FOXN3: variants seen among roughly 807,000 people sequenced by gnomAD.
FOXN3 encodes forkhead box N3.
FOXN3 carries 7 observed loss-of-function variants against 38.4 expected under a neutral mutation model. The observed-to-expected ratio is 0.18, with a 90% confidence interval of 0.10 to 0.34. The LOEUF (loss-of-function observed/expected upper bound fraction) is 0.34, where lower values mean the gene tolerates loss of function less well. Ranked by LOEUF, FOXN3 falls within the 10% of genes least tolerant of loss-of-function variation. The pLI, the probability that FOXN3 is intolerant of heterozygous loss-of-function variation, is 1.00. For synonymous variants in FOXN3, 230 were observed against 242.2 expected (o/e 0.95, Z 0.47); for missense variants, 456 against 613.4 (o/e 0.74, Z 2.71).
At chr14:89,367,667 G>A (rs753653095) in intron 2 of FOXN3, among the ~76,000 whole-genome samples, 25 of 152,092 alleles carry the variant, frequency 1.6e-4, no homozygotes, top group African/African-American at 2.4e-4. Flanking sequence ...TGTGATTCAC[G>A]GGTAGGGGGA....
At chr14:89,500,016 A>AT (rs1566676756) in intron 1 of FOXN3, among the ~76,000 whole-genome samples, 4 of 151,466 alleles carry the variant, frequency 2.6e-5, no homozygotes, top group East Asian at 3.9e-4. Flanking sequence ...TGCCCAGCTT[A>AT]TTTTTTTTGT....
chr14:89,483,262 G>A (rs916076396), intron 1 of FOXN3, among the ~76,000 whole-genome samples: 1 of 152,128 alleles, frequency 6.6e-6, no homozygotes, highest in African/African-American at 2.4e-5. Flanking sequence ...TGTTGCAGCA[G>A]CCAGGAAGCC....
chr14:89,520,230 G>A (rs1208113328), intron 1 of FOXN3, among the ~76,000 whole-genome samples: 2 of 143,288 alleles, frequency 1.4e-5, no homozygotes, highest in Non-Finnish European at 1.5e-5. Flanking sequence ...TCCAGACTGA[G>A]TTTTTCTTTC....
At chr14:89,209,270 A>G (rs2139829076) in intron 4 of FOXN3, among the ~76,000 whole-genome samples, 1 of 152,320 alleles carries the variant, frequency 6.6e-6, no homozygotes. Context: ...TGCCTCTCCC[A>G]TTCCTTTACG....
At position 89,484,972 on chromosome 14, in the gene FOXN3, T is replaced by C. The variant is rs1018174197; in HGVS notation, c.-14-72482A>G. Among the ~76,000 whole-genome samples, 16 of 151,736 alleles carry C rather than the reference T, an allele frequency of 1.1e-4. No homozygotes were observed. Among genetic ancestry groups the C allele is most frequent in the Non-Finnish European group, 2.2e-4 (15 of 67,940 alleles). ...TTCGAGACCAGCCTGGCCAATATGG[T>C]GAAACACCATCTCTACTAAAAATAC... On this transcript the variant is annotated intron_variant, in intron 1 of 6. Coordinates refer to the FOXN3 transcript ENST00000345097. The surrounding 1 kb of genome is among the most constrained non-coding windows in gnomAD (Gnocchi z 4.0).
chr14:89,344,491 G>T (rs1383157490), intron 3 of FOXN3, among the ~76,000 whole-genome samples: 1 of 152,166 alleles, frequency 6.6e-6, no homozygotes, highest in Non-Finnish European at 1.5e-5. Flanking sequence ...GGTGAGAGAG[G>T]ATTAAAATGT....
chr14:89,466,716 C>T (rs779117090), intron 1 of FOXN3, among the ~76,000 whole-genome samples: 16 of 152,274 alleles, frequency 1.1e-4, no homozygotes, highest in Middle Eastern at 3.4e-3. Context: ...CCCTCTAGCA[C>T]GGCACAGAGA....
At chr14:89,383,660 G>A (rs1366748599) in intron 2 of FOXN3, among the ~76,000 whole-genome samples, 2 of 151,920 alleles carry the variant, frequency 1.3e-5, no homozygotes, top group East Asian at 1.9e-4. Flanking sequence ...TCTTCCCCAC[G>A]TATCTGTTTC....
chr14:89,363,969 T>TATATATATATATATA (rs1890027381), intron 2 of FOXN3, among the ~76,000 whole-genome samples: 2 of 95,016 alleles, frequency 2.1e-5, no homozygotes, highest in African/African-American at 1.0e-4. Context: ...TATATATATA[T>TATATATATATATATA]ATATATATAT....
chr14:89,267,506 A>G (rs1886020866), intron 4 of FOXN3, among the ~76,000 whole-genome samples: 1 of 152,224 alleles, frequency 6.6e-6, no homozygotes, highest in Non-Finnish European at 1.5e-5. Context: ...AGAAACTCAG[A>G]TCACTATTAG....
intron 1 of FOXN3, among the ~76,000 whole-genome samples, chr14:89,465,172 G>A (rs1343989806): frequency 1.3e-5 from 2 of 152,170 alleles, no homozygotes; most frequent in Non-Finnish European, 2.9e-5. Flanking sequence ...AGAACTGTGA[G>A]TCAATTAAAC....
chr14:89,530,290 A>G (rs1359104443), intron 1 of FOXN3, among the ~76,000 whole-genome samples: 2 of 152,204 alleles, frequency 1.3e-5, no homozygotes, highest in Non-Finnish European at 2.9e-5. Flanking sequence ...TCACAGTTCC[A>G]CTTGGCTAGG....
intron 1 of FOXN3, among the ~76,000 whole-genome samples, chr14:89,546,329 C>CTTTTTTTTTTTTTTTTTTTTTTT (rs1157998619): frequency 2.6e-5 from 2 of 78,330 alleles, no homozygotes; most frequent in African/African-American, 1.1e-4. Context: ...TTTCCTTTTT[C>CTTTTTTTTTTTTTTTTTTTTTTT]TTTTTTTTTT....
intron 1 of FOXN3, among the ~76,000 whole-genome samples, chr14:89,600,674 A>C (rs1402944440): frequency 6.6e-6 from 1 of 152,222 alleles, no homozygotes; most frequent in Non-Finnish European, 1.5e-5. Context: ...CATTGTGGGA[A>C]GAGACTACTC....
intron 3 of FOXN3, among the ~76,000 whole-genome samples, chr14:89,346,058 TAAAAG>T (rs752121158): frequency 2.6e-5 from 4 of 152,070 alleles, no homozygotes; most frequent in East Asian, 1.9e-4. Flanking sequence ...TCTCAAAAAA[TAAAAG>T]AAAAGAATAA....
In FOXN3 at chr14:89,555,901, G is replaced by C. The variant is rs183483984; in HGVS notation, c.-15+63127C>G. 3.0e-3 allele frequency among the ~76,000 whole-genome samples: 438 copies of C among 148,252 alleles called. 2 individuals carry two copies. Among genetic ancestry groups the C allele is most frequent in the Non-Finnish European group, 4.2e-3 (281 of 66,786 alleles). On this transcript the variant is annotated intron_variant, in intron 1 of 6. Coordinates refer to the FOXN3 transcript ENST00000345097. ...TATGTGGGGGTGTATGTGGGGGTGT[G>C]TGTGTTGTGTGTGTGTGCAAGTGTT...
chr14:89,441,018 G>A (rs1225402418), intron 1 of FOXN3, among the ~76,000 whole-genome samples: 1 of 152,176 alleles, frequency 6.6e-6, no homozygotes, highest in South Asian at 2.1e-4. Context: ...TAGGAGAGAG[G>A]ATGGGCACAG....
At chr14:89,396,780 T>C (rs1379100457) in intron 2 of FOXN3, among the ~76,000 whole-genome samples, 1 of 144,360 alleles carries the variant, frequency 6.9e-6, no homozygotes, top group Non-Finnish European at 1.5e-5. Flanking sequence ...TGCAGTGAGC[T>C]GAGATTGTGC....
At chr14:89,238,899 A>G (rs975511879) in intron 4 of FOXN3, among the ~76,000 whole-genome samples, 1 of 152,182 alleles carries the variant, frequency 6.6e-6, no homozygotes, top group African/African-American at 2.4e-5. Context: ...GAAGAATTCT[A>G]GCTTACCACC....
Sources: allele counts gnomAD v4.1 joint callset (sites outside exome capture counted in the v4.1 genomes callset), GRCh38; gene constraint gnomAD v4.1.1; non-coding constraint Gnocchi (gnomAD v3.1); transcripts MANE v1.5; gene names NCBI Gene and HGNC (gene_info 2026-07-23, HGNC 2026-07-21).